Variants in PIEZO1 observed in about 807,000 individuals in gnomAD.
PIEZO1 encodes the protein piezo type mechanosensitive ion channel component 1 (Er blood group).
Under a neutral mutation model 297.2 loss-of-function variants are expected in PIEZO1, and 296 were observed. The ratio of observed to expected loss-of-function variants is 1.00; its 90% CI spans 0.91 to 1.10. The LOEUF is 1.10. PIEZO1 is among the 50% of genes least tolerant of loss of function. The pLI is 0.00. For synonymous variants in PIEZO1, 2,427 were observed against 1,507.5 expected (o/e 1.61, Z -14.13); for missense variants, 5,018 against 3,455.5 (o/e 1.45, Z -11.34).
At position 88,738,704 on chromosome 16, in the gene PIEZO1, C is replaced by T. The variant is rs893897653; in HGVS notation, c.498G>A (p.Pro166=). The T allele has an allele frequency of 2.5e-5, 38 of 1,533,372 alleles. No individual in the cohort carries two copies. Among genetic ancestry groups the T allele is most frequent in the Middle Eastern group, 3.3e-4 (2 of 6,000 alleles). The allele number at this position is 1,533,372 out of a possible 1,614,324, so 95.0% of individuals were successfully genotyped here. The change falls in exon 6 of 51, where the codon CCG becomes CCA. Residue 166 remains proline (P), a synonymous_variant. Transcript: ENST00000301015. ...TTGCTGCTTCCTGCAGCCCTGCCGT[C>T]GGGCTGGCATCCACATCCCTCTCAT... ...DDDERDVDAS[P]TAGLQEAATL...
intron 22 of PIEZO1, among the ~76,000 whole-genome samples, chr16:88,728,324 G>A (rs527493137): frequency 6.6e-6 from 1 of 152,282 alleles, no homozygotes; most frequent in East Asian, 1.9e-4. Context: ...GCATGGATGT[G>A]ACTCCACGCA....
chr16:88,763,391 G>A (rs1317657305), intron 1 of PIEZO1, among the ~76,000 whole-genome samples: 2 of 152,338 alleles, frequency 1.3e-5, no homozygotes, highest in East Asian at 3.9e-4. Flanking sequence ...CTAGAAAGTA[G>A]CAGTGGGCCA....
intron 1 of PIEZO1, among the ~76,000 whole-genome samples, chr16:88,781,337 CCT>C (rs1221133308): frequency 1.3e-5 from 2 of 152,234 alleles, no homozygotes; most frequent in East Asian, 1.9e-4. Flanking sequence ...GCTGGAGCTC[CCT>C]GTGTCCTGGG....
At chr16:88,745,900 C>T (rs993643771) in intron 2 of PIEZO1, among the ~76,000 whole-genome samples, 5 of 152,192 alleles carry the variant, frequency 3.3e-5, no homozygotes, top group African/African-American at 1.2e-4. Flanking sequence ...CCTTGGACCC[C>T]GGCACGGCCT....
At position 88,732,447 on chromosome 16, in the gene PIEZO1, G is replaced by A. The variant is rs746410402; in HGVS notation, c.2879C>T (p.Pro960Leu). The A allele has an allele frequency of 1.1e-4, 175 of 1,549,410 alleles. No homozygotes were observed. Among genetic ancestry groups the A allele is most frequent in the African/African-American group, 1.5e-4 (11 of 73,010 alleles). ...EHYRRQHQLA[P>L]LPAQAVFASG... ...GGCAAACACGGCCTGGGCAGGCAGC[G>A]GGGCCAGCTGGTGCTGCCGGCGGTA... The change falls in exon 21 of 51, where the codon CCG becomes CTG. Residue 960 changes from proline to leucine, a missense_variant. Transcript: ENST00000301015.
rs1479715956 is a variant in PIEZO1, at chr16:88,771,769, G to A, written c.64+13132C>T. On this transcript the variant is annotated intron_variant, in intron 1 of 50. Coordinates refer to ENST00000301015, the MANE Select transcript of PIEZO1 (RefSeq NM_001142864.4). ...CCTGAGACTCTATGCCCGTCCACCC[G>A]CGGCCCCAGGCCCTCCTGAGACTCT... Among the ~76,000 whole-genome samples the A allele has an allele frequency of 3.6e-5, 5 of 140,086 alleles. No homozygotes were observed. The East Asian group carries it at 8.7e-4, about 24-fold the overall frequency. 91.9% of individuals were successfully genotyped at this position (140,086 alleles called of 152,430 possible).
intron 31 of PIEZO1, 64 bp downstream of exon 31, chr16:88,723,807 T>G: frequency 1.1e-6 from 1 of 881,856 alleles, no homozygotes; most frequent in Non-Finnish European, 1.8e-6. Flanking sequence ...CCCTCTATGC[T>G]GCCCTGGTCC....
intron 1 of PIEZO1, among the ~76,000 whole-genome samples, chr16:88,772,359 A>G (rs1477096059): frequency 6.6e-6 from 1 of 152,134 alleles, no homozygotes; most frequent in Non-Finnish European, 1.5e-5. Context: ...CTCGGAATAT[A>G]CTTTCCATGT....
chr16:88,721,421 G>C lies in PIEZO1; in HGVS notation c.5413C>G (p.Leu1805Val), dbSNP rs201769196. 44 of 1,549,160 alleles carry C rather than the reference G, an allele frequency of 2.8e-5. No individual in the cohort carries two copies. The highest frequency in any genetic ancestry group is 1.1e-4 in the South Asian group (9 of 84,018). ...GGTGAGTCCTCCTCATGGTCCCAGA[G>C]GCCATAGCACTGAGGGGCGGGAGGG... The part of the protein sequence containing the change: ...FHRSQLLCYG[L>V]WDHEEDSPSK... Residue 1805 changes from leucine (L) to valine (V), a missense_variant, in exon 39 of 51, where the codon CTC (leucine) becomes GTC (valine). Leu to Val is a conservative substitution (Grantham distance 32, BLOSUM62 1). Transcript: ENST00000301015.
chr16:88,747,295 C>T (rs1003579109), intron 2 of PIEZO1, among the ~76,000 whole-genome samples: 2 of 151,264 alleles, frequency 1.3e-5, no homozygotes, highest in Admixed American at 1.3e-4. Flanking sequence ...GTGGGCAGAT[C>T]ACCTGAGGTC....
intron 5 of PIEZO1, chr16:88,739,553 C>A (rs1364839016): frequency 6.6e-6 from 1 of 152,250 alleles, no homozygotes; most frequent in Non-Finnish European, 1.5e-5. Flanking sequence ...TAGGCCCCAC[C>A]CCAGCTCTGA....
intron 2 of PIEZO1, among the ~76,000 whole-genome samples, chr16:88,744,686 CG>C (rs2142851142): frequency 6.6e-6 from 1 of 151,732 alleles, no homozygotes; most frequent in South Asian, 2.1e-4. Context: ...GTTCAGTTCT[CG>C]GGCCGGCCAG....
In PIEZO1 at chr16:88,721,143, G is replaced by T. The variant is rs910720320; in HGVS notation, c.5668+23C>A. On this transcript the variant is annotated intron_variant, in intron 39 of 50. Coordinates refer to ENST00000301015, the MANE Select transcript of PIEZO1 (RefSeq NM_001142864.4). ...ACTCAGAAAACTGGGTAGGCAGGAG[G>T]TTGTGAGGCAGGGCGCTTATACCGA... The T allele has an allele frequency of 1.5e-5, 22 of 1,468,126 alleles. No homozygotes were observed. The Admixed American group carries it at 1.9e-4, about 13-fold the overall frequency. The allele number at this position is 1,468,126 out of a possible 1,614,324, so 90.9% of individuals were successfully genotyped here. A position where few individuals can be genotyped will look rare whatever the true frequency, so the allele number is the denominator to read the frequency against.
chr16:88,750,635 G>A (rs947662503), intron 1 of PIEZO1, among the ~76,000 whole-genome samples: 3 of 152,228 alleles, frequency 2.0e-5, no homozygotes, highest in East Asian at 1.9e-4. Context: ...AAGGTCTGGA[G>A]TCAGGGAGGC....
chr16:88,777,596 G>A (rs1907724704), intron 1 of PIEZO1, among the ~76,000 whole-genome samples: 2 of 152,236 alleles, frequency 1.3e-5, no homozygotes, highest in South Asian at 4.1e-4. Flanking sequence ...GATGGACGAT[G>A]GCTTCCCTTT....
Position 88,720,416 on chromosome 16 carries a change from A to G in PIEZO1, c.5918T>C (p.Ile1973Thr). ...GGCCCAGAAGCCAAAAATGATGATG[A>G]TGAAGTCGACAACATCAGCCAGGAA... ...LMFLADVVDF[I>T]IIIFGFWAFG... The change falls in exon 41 of 51, where the codon ATC becomes ACC. Residue 1973 changes from isoleucine to threonine, a missense_variant. Physicochemically the swap from Ile to Thr is moderately conservative, Grantham distance 89. Coordinates refer to ENST00000301015, the MANE Select transcript of PIEZO1 (RefSeq NM_001142864.4). 1 of 1,550,350 alleles carries G rather than the reference A, an allele frequency of 6.5e-7. No homozygotes were observed. Among genetic ancestry groups the G allele is most frequent in the Non-Finnish European group, 8.7e-7 (1 of 1,146,902 alleles).
At position 88,784,884 on chromosome 16, in the gene PIEZO1, G is replaced by T; in HGVS notation, c.64+17C>A. On this transcript the variant is annotated intron_variant, in intron 1 of 50. Transcript: ENST00000301015. ...CAGCCCCCTCCCGTCGCCCCCAGGCGCCCGCCCCCCACTCACCAGCCAGCA... is the reference window on the plus strand; with the variant it reads ...CAGCCCCCTCCCGTCGCCCCCAGGCTCCCGCCCCCCACTCACCAGCCAGCA... The T allele has an allele frequency of 1.4e-6, 2 of 1,428,102 alleles. No homozygotes were observed. The highest frequency in any genetic ancestry group is 1.8e-6 in the Non-Finnish European group (2 of 1,086,060). The allele number at this position is 1,428,102 out of a possible 1,614,324, so 88.5% of individuals were successfully genotyped here. A position where few individuals can be genotyped will look rare whatever the true frequency, so the allele number is the denominator to read the frequency against.
At chr16:88,738,515 C>A in intron 6 of PIEZO1, 53 bp downstream of exon 6, 1 of 1,444,692 alleles carries the variant, frequency 6.9e-7, no homozygotes, top group Non-Finnish European at 9.0e-7. Flanking sequence ...CATCAGGGAA[C>A]TCCCAAGACC....
chr16:88,735,758 C>G (rs1905167385), intron 12 of PIEZO1, among the ~76,000 whole-genome samples: 2 of 152,384 alleles, frequency 1.3e-5, no homozygotes, highest in South Asian at 4.1e-4. Context: ...TCACTGAGAC[C>G]CAGGGCTGTG....
Sources: gnomAD v4.1 joint callset for allele counts (sites outside exome capture counted in the v4.1 genomes callset) on GRCh38, gnomAD v4.1.1 for gene constraint, MANE v1.5 for transcripts, NCBI Gene and HGNC (gene_info 2026-07-23, HGNC 2026-07-21) for gene names.